SCN1A: variants seen among roughly 807,000 people sequenced by gnomAD.
The protein encoded by SCN1A is sodium voltage-gated channel alpha subunit 1, also known as sodium channel protein type 1 subunit alpha.
Under a neutral mutation model 193.7 loss-of-function variants are expected in SCN1A, and 13 were observed. The observed-to-expected ratio is 0.07, with a 90% CI of 0.04 to 0.11. The LOEUF is 0.11. SCN1A is among the 10% of genes least tolerant of loss of function. The probability of loss-of-function intolerance (pLI) is 1.00; values close to 1 mark genes in which losing one functional copy is unlikely to be tolerated. For missense variants in SCN1A, 1,432 were observed against 2,451.1 expected, an observed-to-expected ratio of 0.58 and a Z score of 8.78; for synonymous variants, 781 against 843.6, an observed-to-expected ratio of 0.93 and a Z score of 1.29.
chr2:166,015,470 C>T (rs1454566576), intron 20 of SCN1A, 137 bp downstream of exon 20: 1 of 1,033,282 alleles, frequency 9.7e-7, no homozygotes, highest in African/African-American at 1.6e-5. Context: ...GTTTTTTTGT[C>T]TGTCAACATA....
At chr2:166,068,803 C>T (rs1460388711) in intron 4 of SCN1A, among the ~76,000 whole-genome samples, 2 of 152,160 alleles carry the variant, frequency 1.3e-5, no homozygotes, top group African/African-American at 4.8e-5. Context: ...ATCCATAGGA[C>T]TTTTTAAAAA....
chr2:166,078,545 T>C (rs1417261548), intron 2 of SCN1A, among the ~76,000 whole-genome samples: 1 of 151,672 alleles, frequency 6.6e-6, no homozygotes, highest in Non-Finnish European at 1.5e-5. Context: ...CTAAAACTAC[T>C]GTAAAACTAG....
intron 14 of SCN1A, 74 bp from the exon 15 acceptor site, chr2:166,042,498 C>G (rs1574210194): frequency 1.4e-6 from 2 of 1,406,780 alleles, no homozygotes; most frequent in East Asian, 4.6e-5. Context: ...AATGGTGACA[C>G]AGTGAATTTC....
intron 2 of SCN1A, among the ~76,000 whole-genome samples, chr2:166,125,666 G>T (rs1691161411): frequency 6.6e-6 from 1 of 151,970 alleles, no homozygotes; most frequent in Admixed American, 6.6e-5. Context: ...GTTTACTTTG[G>T]GTATCTAGTC....
At chr2:166,147,551 G>C (rs1268087549) in intron 1 of SCN1A, among the ~76,000 whole-genome samples, 1 of 152,106 alleles carries the variant, frequency 6.6e-6, no homozygotes, top group Non-Finnish European at 1.5e-5. Context: ...AAGATTATAA[G>C]TACAATTAAG....
At position 165,994,264 on chromosome 2, in the gene SCN1A, C is replaced by A. The variant is rs758734319; in HGVS notation, c.4734G>T (p.Leu1578=). The part of the protein sequence containing the change: ...YVTTILSRIN[L]VFIVLFTGEC... ...CTCCAGTAAATAGCACAATGAACAC[C>A]AGATTGATGCGTGACAAAATGGTAG... is the stretch of plus-strand genomic sequence containing the variant. The change falls in exon 28 of 29, where the codon CTG becomes CTT. Residue 1578 remains leucine (L), a synonymous_variant. Coordinates refer to ENST00000674923, the MANE Select transcript of SCN1A (RefSeq NM_001165963.4). The A allele has an allele frequency of 1.1e-5, 18 of 1,613,120 alleles. No homozygotes were observed. The highest frequency in any genetic ancestry group is 1.5e-5 in the Non-Finnish European group (18 of 1,179,478).
At chr2:166,019,679 A>G (rs1693747954) in intron 19 of SCN1A, among the ~76,000 whole-genome samples, 1 of 152,160 alleles carries the variant, frequency 6.6e-6, no homozygotes, top group Non-Finnish European at 1.5e-5. Flanking sequence ...AACTATAAAT[A>G]AAAATGGCCA....
intron 4 of SCN1A, among the ~76,000 whole-genome samples, chr2:166,059,144 A>G (rs1683011680): frequency 1.3e-5 from 2 of 152,272 alleles, no homozygotes; most frequent in South Asian, 4.1e-4. Context: ...TTTTTGAAAT[A>G]AAGATTGTTT....
chr2:166,002,927 G>A, intron 23 of SCN1A, 174 bp from the exon 24 acceptor site: 1 of 522,148 alleles, frequency 1.9e-6, no homozygotes, highest in Non-Finnish European at 3.2e-6. Flanking sequence ...TTTTTCTTAA[G>A]CAATACACTT....
At chr2:166,058,949 T>C (rs1185321778) in intron 4 of SCN1A, among the ~76,000 whole-genome samples, 3 of 152,098 alleles carry the variant, frequency 2.0e-5, no homozygotes, top group African/African-American at 4.8e-5. Context: ...CCAAGAGAAG[T>C]CATTTATTTT....
At chr2:166,024,995 A>G (rs934266996) in intron 19 of SCN1A, among the ~76,000 whole-genome samples, 4 of 152,170 alleles carry the variant, frequency 2.6e-5, no homozygotes, top group Non-Finnish European at 4.4e-5. Context: ...TTCTTATTTG[A>G]TTGCAATTGC....
At chr2:166,120,477 T>C (rs1378555971) in intron 2 of SCN1A, among the ~76,000 whole-genome samples, 1 of 151,682 alleles carries the variant, frequency 6.6e-6, no homozygotes, top group African/African-American at 2.4e-5. Flanking sequence ...AAATATTCAT[T>C]GAAACATTAT....
In SCN1A at chr2:166,041,450, C is replaced by T. The variant is rs1697166959; in HGVS notation, c.2196G>A (p.Gln732=). 6.3e-7 allele frequency: 1 copy of T among 1,597,596 alleles called. No individual in the cohort carries two copies. Among genetic ancestry groups the T allele is most frequent in the Non-Finnish European group, 8.6e-7 (1 of 1,169,538 alleles). The change falls in exon 16 of 29, where the codon CAG becomes CAA. Residue 732 remains glutamine, a synonymous_variant. Transcript: ENST00000674923. ...ATTTATACCAACAGGGTGGGCATTT[C>T]TGCCTGGATTCTTCAAGTTCTAGAT... ...NTVEELEESR[Q]KCPPCWYKFS...
Position 166,077,707 on chromosome 2 carries a change from TA to T in SCN1A, c.-50+2del, listed in dbSNP as rs1685119082. 6.6e-6 allele frequency: 1 copy of T among 152,086 alleles called. No individual in the cohort carries two copies. The highest frequency in any genetic ancestry group is 2.4e-5 in the African/African-American group (1 of 41,422). The allele number at this position is 152,086 out of a possible 1,614,324, so 9.4% of individuals were successfully genotyped here. A position where few individuals can be genotyped will look rare whatever the true frequency, so the allele number is the denominator to read the frequency against. The stretch of plus-strand genomic sequence containing the variant: ...CTTACCATATGATCCAGCAATTGCA[TA>T]CCTTAGGATTTAACCAAAGGAGTTG... On this transcript the variant is annotated splice_donor_variant, in intron 3 of 28. Coordinates refer to ENST00000674923, the MANE Select transcript of SCN1A (RefSeq NM_001165963.4). LOFTEE classifies it low-confidence loss of function (5UTR_SPLICE).
chr2:166,052,077 T>C, intron 8 of SCN1A, 89 bp from the exon 9 acceptor site: 1 of 1,262,506 alleles, frequency 7.9e-7, no homozygotes, highest in South Asian at 1.4e-5. Context: ...ATAGATTTCA[T>C]TCATAAATCC....
At chr2:166,059,376 A>G (rs1034710602) in intron 4 of SCN1A, 1 of 152,116 alleles carries the variant, frequency 6.6e-6, no homozygotes, top group Non-Finnish European at 1.5e-5. Flanking sequence ...TTGACTTCCT[A>G]TCTTATGCAG....
intron 14 of SCN1A, 73 bp downstream of exon 14, chr2:166,043,596 C>T: frequency 6.7e-7 from 1 of 1,497,044 alleles, no homozygotes; most frequent in Non-Finnish European, 9.0e-7. Flanking sequence ...CTCAAGGTTG[C>T]CGTTCTGTAG....
At chr2:166,015,957 G>T in intron 19 of SCN1A, 1 of 500,386 alleles carries the variant, frequency 2.0e-6, no homozygotes, top group Non-Finnish European at 3.6e-6. Flanking sequence ...ATGTTATGAG[G>T]TTACAAAAGG....
intron 18 of SCN1A, 96 bp from the exon 19 acceptor site, chr2:166,036,626 C>CT (rs1382540366): frequency 4.6e-6 from 6 of 1,298,466 alleles, no homozygotes; most frequent in African/African-American, 4.5e-5. Context: ...GGAAAAAACT[C>CT]TAAGTTCTAA....
Sources: allele counts gnomAD v4.1 joint callset (sites outside exome capture counted in the v4.1 genomes callset), GRCh38; gene constraint gnomAD v4.1.1; transcripts MANE v1.5; gene names NCBI Gene and HGNC (gene_info 2026-07-23, HGNC 2026-07-21).